The following CAMKMT variants were observed in gnomAD, a reference collection of about 807,000 sequenced individuals.
CAMKMT encodes the protein CaM KMT.
CAMKMT carries 53 observed loss-of-function variants against 48.0 expected under a neutral mutation model. The ratio of observed to expected loss-of-function variants is 1.10; its 90% confidence interval spans 0.89 to 1.39. CAMKMT has a LOEUF of 1.39. Among genes scored for constraint, CAMKMT ranks in the 40% most tolerant of loss-of-function variants. The pLI is 0.00. For synonymous variants in CAMKMT, 165 were observed against 152.3 expected (o/e 1.08, Z -0.61); for missense variants, 428 against 402.7 (o/e 1.06, Z -0.54).
intron 7 of CAMKMT, among the ~76,000 whole-genome samples, chr2:44,725,419 C>G (rs1678727324): frequency 6.6e-6 from 1 of 152,070 alleles, no homozygotes; most frequent in Non-Finnish European, 1.5e-5. Context: ...AGGTTTCTGC[C>G]TTTAGTAAGC....
intron 3 of CAMKMT, among the ~76,000 whole-genome samples, chr2:44,639,402 C>G (rs1464051205): frequency 6.6e-6 from 1 of 152,178 alleles, no homozygotes; most frequent in East Asian, 1.9e-4. Context: ...AGCACAGATG[C>G]TGGAGTCAGA....
chr2:44,405,500 A>G (rs1246456650), intron 3 of CAMKMT, among the ~76,000 whole-genome samples: 1 of 152,162 alleles, frequency 6.6e-6, no homozygotes, highest in East Asian at 1.9e-4. Context: ...CTGTGAAGGC[A>G]TATATACCAA....
At position 44,723,603 on chromosome 2, in the gene CAMKMT, CATACATAAATAAATAAATAAATAAATAA is replaced by C. The variant is rs1678604838; in HGVS notation, c.623+8254_623+8281del. 5 of 82,846 alleles carry C rather than the reference CATACATAAATAAATAAATAAATAAATAA, an allele frequency of 6.0e-5. No individual in the cohort carries two copies. In the East Asian group the frequency reaches 1.3e-3, roughly 21 times the overall value. The allele number at this position is 82,846 out of a possible 1,614,324, so 5.1% of individuals were successfully genotyped here. ...AAGTCCATCTCAAAATAAATAAATA[CATACATAAATAAATAAATAAATAAATAA>C]ATAAATAAATAAATAAATAAATAAA... On this transcript the variant is annotated intron_variant, in intron 7 of 10. Coordinates refer to ENST00000378494, the MANE Select transcript of CAMKMT (RefSeq NM_024766.5).
intron 3 of CAMKMT, chr2:44,400,681 C>A (rs1002559529): frequency 6.6e-6 from 1 of 151,790 alleles, no homozygotes; most frequent in Admixed American, 6.6e-5. Flanking sequence ...TTTTCCCATA[C>A]CATCCATGAA....
chr2:44,725,390 G>A (rs1277536537), intron 7 of CAMKMT, among the ~76,000 whole-genome samples: 1 of 152,004 alleles, frequency 6.6e-6, no homozygotes, highest in African/African-American at 2.4e-5. Flanking sequence ...GCTTTTTATG[G>A]GTTATAAAGA....
intron 3 of CAMKMT, among the ~76,000 whole-genome samples, chr2:44,595,576 T>G (rs1351014007): frequency 6.6e-6 from 1 of 152,206 alleles, no homozygotes; most frequent in African/African-American, 2.4e-5. Flanking sequence ...CTGCCCAAAG[T>G]AATTTATAGA....
chr2:44,649,460 A>G (rs1241397049), intron 3 of CAMKMT, among the ~76,000 whole-genome samples: 1 of 152,090 alleles, frequency 6.6e-6, no homozygotes, highest in Non-Finnish European at 1.5e-5. Context: ...TTAATGGAGC[A>G]AGCAGAAAAA....
chr2:44,744,205 T>G (rs991802987), intron 8 of CAMKMT, among the ~76,000 whole-genome samples: 2 of 152,232 alleles, frequency 1.3e-5, no homozygotes, highest in African/African-American at 4.8e-5. Flanking sequence ...TGCTATCTAA[T>G]GTTTTCAGTG....
At chr2:44,448,102 T>A (rs1237323486) in intron 3 of CAMKMT, among the ~76,000 whole-genome samples, 1 of 152,236 alleles carries the variant, frequency 6.6e-6, no homozygotes, top group Admixed American at 6.5e-5. Flanking sequence ...GTGAATATAG[T>A]TGTCCCTTGG....
Position 44,400,018 on chromosome 2 carries a change from C to A in CAMKMT, c.376+9713C>A, listed in dbSNP as rs531130107. Reference sequence around the variant, plus strand: ...TTTATAGTCATTTATAACTCTTTATCCCAGCATAGTACCTTTCACAAAGCC... The same window carrying A: ...TTTATAGTCATTTATAACTCTTTATACCAGCATAGTACCTTTCACAAAGCC... On this transcript the variant is annotated intron_variant, in intron 3 of 10. Transcript: ENST00000378494. Among the ~76,000 whole-genome samples the A allele has an allele frequency of 3.3e-5, 5 of 152,276 alleles. No homozygotes were observed. The East Asian group carries it at 7.7e-4, about 23-fold the overall frequency.
At chr2:44,379,648 A>G (rs911191126) in intron 2 of CAMKMT, among the ~76,000 whole-genome samples, 1 of 152,112 alleles carries the variant, frequency 6.6e-6, no homozygotes, top group Non-Finnish European at 1.5e-5. Context: ...TGTGGCTTTG[A>G]TATGCATTTC....
intron 3 of CAMKMT, among the ~76,000 whole-genome samples, chr2:44,677,767 T>C (rs928418104): frequency 1.3e-5 from 2 of 152,152 alleles, no homozygotes; most frequent in African/African-American, 4.8e-5. Flanking sequence ...AATTCTCTTA[T>C]AACAATGCAC....
intron 3 of CAMKMT, among the ~76,000 whole-genome samples, chr2:44,643,220 G>GA (rs1175304174): frequency 6.6e-6 from 1 of 152,122 alleles, no homozygotes; most frequent in African/African-American, 2.4e-5. Flanking sequence ...AAACATTAAT[G>GA]AAAATAAGAT....
At chr2:44,385,246 G>A (rs1680669014) in intron 2 of CAMKMT, among the ~76,000 whole-genome samples, 2 of 151,206 alleles carry the variant, frequency 1.3e-5, no homozygotes, top group South Asian at 4.2e-4. Context: ...TGCAGCTGTT[G>A]CAAAAAGGGT....
At chr2:44,742,447 C>T (rs564285647) in intron 7 of CAMKMT, among the ~76,000 whole-genome samples, 2 of 152,216 alleles carry the variant, frequency 1.3e-5, no homozygotes, top group South Asian at 2.1e-4. Flanking sequence ...TAGGATACAG[C>T]GTAGGAATTG....
intron 3 of CAMKMT, among the ~76,000 whole-genome samples, chr2:44,481,130 C>A (rs1273093254): frequency 2.6e-5 from 4 of 151,952 alleles, no homozygotes; most frequent in Non-Finnish European, 5.9e-5. Flanking sequence ...TGAAAGGAAA[C>A]AGAATTATAT....
At chr2:44,575,226 A>G (rs1002193569) in intron 3 of CAMKMT, among the ~76,000 whole-genome samples, 1 of 151,866 alleles carries the variant, frequency 6.6e-6, no homozygotes, top group African/African-American at 2.4e-5. Context: ...TTACAGGCAC[A>G]TACCACCACT....
At chr2:44,648,540 T>C (rs945189524) in intron 3 of CAMKMT, among the ~76,000 whole-genome samples, 5 of 152,248 alleles carry the variant, frequency 3.3e-5, no homozygotes, top group Admixed American at 6.5e-5. Context: ...GAACAGCTGA[T>C]ATGGGACCAA....
At chr2:44,682,074 G>A (rs1018602759) in intron 3 of CAMKMT, among the ~76,000 whole-genome samples, 3 of 152,144 alleles carry the variant, frequency 2.0e-5, no homozygotes, top group Admixed American at 1.3e-4. Context: ...AGATGGGGTC[G>A]ATGTGCCTTA....
Sources: gnomAD v4.1 joint callset for allele counts (sites outside exome capture counted in the v4.1 genomes callset) on GRCh38, gnomAD v4.1.1 for gene constraint, MANE v1.5 for transcripts, NCBI Gene and HGNC (gene_info 2026-07-23, HGNC 2026-07-21) for gene names.